The following MKLN1 variants were observed in gnomAD, a reference collection of about 807,000 sequenced individuals.
The protein encoded by MKLN1 is muskelin 1, also known as muskelin.
A neutral mutation model predicts 99.0 loss-of-function variants in MKLN1; 18 were observed. That is an observed-to-expected ratio of 0.18 (90% CI 0.13 to 0.27). The LOEUF (loss-of-function observed/expected upper bound fraction) is 0.27, where lower values mean the gene tolerates loss of function less well. Ranked by LOEUF, MKLN1 falls within the 10% of genes least tolerant of loss-of-function variation. The pLI, the probability that MKLN1 is intolerant of heterozygous loss-of-function variation, is 1.00. For synonymous variants in MKLN1, 288 were observed against 293.2 expected (o/e 0.98, Z 0.18); for missense variants, 621 against 875.9 (o/e 0.71, Z 3.67).
intron 3 of MKLN1, among the ~76,000 whole-genome samples, chr7:131,265,998 A>G (rs978186204): frequency 2.0e-5 from 3 of 151,996 alleles, no homozygotes; most frequent in Admixed American, 2.0e-4. Context: ...ACATGGCGAA[A>G]CCCTATCTCT....
chr7:131,459,773 C>T (rs1796461437), intron 12 of MKLN1, among the ~76,000 whole-genome samples: 1 of 151,818 alleles, frequency 6.6e-6, no homozygotes, highest in African/African-American at 2.4e-5. Flanking sequence ...ATGTGTGCAC[C>T]ATCTTTTTAA....
In MKLN1 at chr7:131,423,308, A is replaced by G. The variant is rs1348145009; in HGVS notation, c.848-5725A>G. 2.0e-5 allele frequency among the ~76,000 whole-genome samples: 3 copies of G among 151,964 alleles called. 1 individual carries two copies. The highest frequency in any genetic ancestry group is 1.3e-4 in the Admixed American group (2 of 15,232). ...TTAACTGTTCTGTAGCTATTATATG[A>G]AAGTGCTTTTATTATTATTTTTATT... On this transcript the variant is annotated intron_variant, in intron 8 of 17. Coordinates refer to ENST00000352689, the MANE Select transcript of MKLN1 (RefSeq NM_013255.5).
chr7:131,327,783 G>A, upstream of MKLN1: 1 of 1,444,228 alleles, frequency 6.9e-7, no homozygotes, highest in Admixed American at 2.7e-5. Context: ...TAACGATGCG[G>A]GGCGGGGAGC....
Position 131,206,852 on chromosome 7 carries a change from T to A in MKLN1, c.-179+3878T>A, listed in dbSNP as rs6974295. Among the ~76,000 whole-genome samples, 18 of 151,882 alleles carry A rather than the reference T, an allele frequency of 1.2e-4. No homozygotes were observed. The South Asian group carries it at 2.3e-3, about 19-fold the overall frequency. On this transcript the variant is annotated intron_variant, in intron 3 of 7. Coordinates refer to the MKLN1 transcript ENST00000416992. ...ATTATGGGCATGAGCCCCCATGCCC[T>A]TCCTTACTATAGTATATTTTGGGAG...
chr7:131,420,508 AG>A lies in MKLN1; in HGVS notation c.847+5799del, dbSNP rs1410320858. The stretch of plus-strand genomic sequence containing the variant: ...AATATGGTAATATGGTGGGTTGTTC[AG>A]CAACTTGATTTTAGACAAGTTAAGT... On this transcript the variant is annotated intron_variant, in intron 8 of 17. Transcript: ENST00000352689. Among the ~76,000 whole-genome samples the A allele has an allele frequency of 5.9e-5, 9 of 152,326 alleles. No individual in the cohort carries two copies. The East Asian group carries it at 1.5e-3, about 26-fold the overall frequency.
chr7:131,310,257 C>T (rs986987120), intron 3 of MKLN1: 1 of 152,182 alleles, frequency 6.6e-6, no homozygotes, highest in Non-Finnish European at 1.5e-5. Context: ...ACAGGATTGC[C>T]GTCTCATTTT....
intron 3 of MKLN1, among the ~76,000 whole-genome samples, chr7:131,264,598 G>A (rs1161700648): frequency 6.6e-6 from 1 of 152,032 alleles, no homozygotes; most frequent in Admixed American, 6.5e-5. Flanking sequence ...CCCACATCAG[G>A]TAAACTCTGC....
chr7:131,479,562 C>T (rs569118434), intron 17 of MKLN1, among the ~76,000 whole-genome samples: 14 of 150,528 alleles, frequency 9.3e-5, no homozygotes, highest in Admixed American at 1.3e-4. Flanking sequence ...CGTGGTGGCT[C>T]ATGCCTGTAA....
At chr7:131,372,788 T>G (rs1371679660) in intron 1 of MKLN1, among the ~76,000 whole-genome samples, 1 of 151,484 alleles carries the variant, frequency 6.6e-6, no homozygotes, top group Non-Finnish European at 1.5e-5. Context: ...TAGCATATGG[T>G]GATTAAGAGC....
chr7:131,409,621 T>G (rs1250981606), intron 6 of MKLN1, among the ~76,000 whole-genome samples: 1 of 151,966 alleles, frequency 6.6e-6, no homozygotes, highest in African/African-American at 2.4e-5. Flanking sequence ...TTAGGGGGAG[T>G]GCTCTAAATT....
intron 1 of MKLN1, among the ~76,000 whole-genome samples, chr7:131,124,428 C>T (rs1299745353): frequency 6.6e-6 from 1 of 152,186 alleles, no homozygotes; most frequent in Non-Finnish European, 1.5e-5. Context: ...AGTTGTCTTG[C>T]TTTTGTCTTC....
At chr7:131,148,529 C>T (rs1795846055) in intron 2 of MKLN1, among the ~76,000 whole-genome samples, 1 of 152,152 alleles carries the variant, frequency 6.6e-6, no homozygotes, top group South Asian at 2.1e-4. Context: ...TCTCCCAACA[C>T]TTTGGGAGGT....
chr7:131,214,119 A>G (rs906476550), intron 3 of MKLN1, among the ~76,000 whole-genome samples: 1 of 152,178 alleles, frequency 6.6e-6, no homozygotes, highest in African/African-American at 2.4e-5. Flanking sequence ...AAATATGTAT[A>G]TAATTATTTC....
intron 3 of MKLN1, among the ~76,000 whole-genome samples, chr7:131,206,608 T>A (rs1796815448): frequency 6.6e-6 from 1 of 151,172 alleles, no homozygotes; most frequent in South Asian, 2.1e-4. Context: ...CGGCCTGGAG[T>A]GCAGTGTCAA....
intron 3 of MKLN1, 77 bp from the exon 4 acceptor site, chr7:131,388,807 A>G: frequency 2.3e-6 from 2 of 875,054 alleles, no homozygotes; most frequent in Non-Finnish European, 3.6e-6. Flanking sequence ...TTAAAACCTG[A>G]GTGTGCATTA....
At chr7:131,378,456 T>C (rs946915381) in intron 2 of MKLN1, among the ~76,000 whole-genome samples, 1 of 152,182 alleles carries the variant, frequency 6.6e-6, no homozygotes, top group African/African-American at 2.4e-5. Context: ...CAAAGAGTCT[T>C]GCACTTCTAG....
Position 131,133,819 on chromosome 7 carries a change from G to GTTTTTTTTT in MKLN1, c.-418-9001_-418-9000insTTTTTTTTT, listed in dbSNP as rs1563226557. ...ACTTCTTTTTTTTTTTTTTTAATTT[G>GTTTTTTTTT]GTTTTTTTTTTTTTTTTTTTTTTTT... On this transcript the variant is annotated intron_variant, in intron 1 of 7. Transcript: ENST00000416992. 8.9e-5 allele frequency among the ~76,000 whole-genome samples: 6 copies of GTTTTTTTTT among 67,234 alleles called. 1 individual carries two copies. The highest frequency in any genetic ancestry group is 1.2e-4 in the Non-Finnish European group (4 of 32,200). 44.1% of individuals were successfully genotyped at this position (67,234 alleles called of 152,430 possible). A position where few individuals can be genotyped will look rare whatever the true frequency, so the allele number is the denominator to read the frequency against.
intron 8 of MKLN1, among the ~76,000 whole-genome samples, chr7:131,418,392 AGAG>A (rs1388597445): frequency 6.6e-5 from 10 of 150,746 alleles, no homozygotes; most frequent in South Asian, 2.1e-4. Context: ...AAAAAAAAAA[AGAG>A]AGATAAATCA....
At chr7:131,235,472 T>C (rs1311219081) in intron 3 of MKLN1, among the ~76,000 whole-genome samples, 1 of 152,168 alleles carries the variant, frequency 6.6e-6, no homozygotes, top group African/African-American at 2.4e-5. Context: ...AATTTAAAAG[T>C]TCAAAAGCGG....
Sources: gnomAD v4.1 joint callset for allele counts (sites outside exome capture counted in the v4.1 genomes callset) on GRCh38, gnomAD v4.1.1 for gene constraint, MANE v1.5 for transcripts, NCBI Gene and HGNC (gene_info 2026-07-23, HGNC 2026-07-21) for gene names.